Variants in TNRC6C observed in about 807,000 individuals in gnomAD.
TNRC6C encodes the protein trinucleotide repeat-containing gene 6C protein.
A neutral mutation model predicts 153.7 loss-of-function variants in TNRC6C; 20 were observed. That is an observed-to-expected ratio of 0.13 (90% CI 0.09 to 0.19). TNRC6C has a LOEUF of 0.19. TNRC6C is among the 10% of genes least tolerant of loss of function. The pLI, the probability that TNRC6C is intolerant of heterozygous loss-of-function variation, is 1.00. For synonymous variants in TNRC6C, 811 were observed against 841.4 expected, an observed-to-expected ratio of 0.96 and a Z score of 0.63; for missense variants, 1,987 against 2,172.0, an observed-to-expected ratio of 0.91 and a Z score of 1.69.
chr17:78,011,618 G>A (rs2071633098), intron 1 of TNRC6C, among the ~76,000 whole-genome samples: 1 of 152,104 alleles, frequency 6.6e-6, no homozygotes, highest in Non-Finnish European at 1.5e-5. Flanking sequence ...CCAGTTTTGA[G>A]CTATTGAGTA....
At chr17:77,963,267 ATGTATAATCTTAGCCAG>A (rs1368239318) in intron 1 of TNRC6C, among the ~76,000 whole-genome samples, 14 of 152,346 alleles carry the variant, frequency 9.2e-5, no homozygotes, top group African/African-American at 3.1e-4. Context: ...AAACTGAGAA[ATGTATAATCTTAGCCAG>A]TGAACTTGTT....
At chr17:78,051,384 G>T in exon 3 of TNRC6C, 1 of 1,550,358 alleles carries the variant, frequency 6.5e-7, no homozygotes, top group Non-Finnish European at 8.7e-7. Flanking sequence ...CCACACACAG[G>T]GTCGAGACGC....
At chr17:77,998,864 A>T (rs568155429) in intron 1 of TNRC6C, among the ~76,000 whole-genome samples, 1 of 152,236 alleles carries the variant, frequency 6.6e-6, no homozygotes, top group Non-Finnish European at 1.5e-5. Flanking sequence ...TGAGTATGTC[A>T]TATAGACTTT....
exon 20 of TNRC6C, chr17:78,106,780 A>T (rs186200679): frequency 1.1e-3 from 166 of 152,060 alleles, no homozygotes; most frequent in African/African-American, 3.1e-3. Context: ...TGTTTTAAAA[A>T]ATATATATAT....
intron 1 of TNRC6C, among the ~76,000 whole-genome samples, chr17:78,007,757 T>C (rs1321733107): frequency 1.3e-5 from 2 of 152,234 alleles, no homozygotes; most frequent in African/African-American, 4.8e-5. Context: ...TTAGATTGCA[T>C]AATATACTGA....
At chr17:78,011,257 T>C (rs900977235) in intron 1 of TNRC6C, among the ~76,000 whole-genome samples, 1 of 152,244 alleles carries the variant, frequency 6.6e-6, no homozygotes, top group African/African-American at 2.4e-5. Context: ...TATATTCACC[T>C]GTTAAACCAT....
intron 3 of TNRC6C, among the ~76,000 whole-genome samples, chr17:78,061,864 C>G (rs952639585): frequency 2.0e-5 from 3 of 151,932 alleles, no homozygotes; most frequent in African/African-American, 7.3e-5. Context: ...TTATAAAAAT[C>G]AATGAACTAT....
chr17:77,997,821 A>T (rs1417895902), intron 1 of TNRC6C, among the ~76,000 whole-genome samples: 1 of 151,530 alleles, frequency 6.6e-6, no homozygotes, highest in East Asian at 1.9e-4. Flanking sequence ...CGCCTGGCTA[A>T]TTTTTTGTAT....
At chr17:78,068,258 G>C (rs1302770657) in intron 5 of TNRC6C, among the ~76,000 whole-genome samples, 1 of 152,232 alleles carries the variant, frequency 6.6e-6, no homozygotes, top group Non-Finnish European at 1.5e-5. Flanking sequence ...AGGCAAAACA[G>C]TGCCACCCTT....
At chr17:78,056,378 G>T (rs1327775723) in intron 3 of TNRC6C, among the ~76,000 whole-genome samples, 1 of 151,038 alleles carries the variant, frequency 6.6e-6, no homozygotes, top group East Asian at 2.0e-4. Context: ...GGCTGGTCTG[G>T]AACTCCTGAC....
At chr17:78,010,492 A>G (rs911154499) in intron 1 of TNRC6C, among the ~76,000 whole-genome samples, 55 of 152,230 alleles carry the variant, frequency 3.6e-4, no homozygotes, top group Non-Finnish European at 1.2e-4. Flanking sequence ...ATAGTCACAC[A>G]TAGAAATATA....
chr17:78,048,080 A>G (rs970057435), intron 2 of TNRC6C, among the ~76,000 whole-genome samples: 5 of 152,226 alleles, frequency 3.3e-5, no homozygotes, highest in African/African-American at 1.2e-4. Context: ...TAGAGATCCA[A>G]AAAGATAGCA....
At chr17:78,092,139 TC>T (rs1422020952) in intron 14 of TNRC6C, among the ~76,000 whole-genome samples, 1 of 152,200 alleles carries the variant, frequency 6.6e-6, no homozygotes, top group Non-Finnish European at 1.5e-5. Flanking sequence ...GTAATCTCAC[TC>T]TCAAGCATTA....
intron 3 of TNRC6C, among the ~76,000 whole-genome samples, chr17:78,058,171 G>A (rs554687228): frequency 6.6e-6 from 1 of 152,276 alleles, no homozygotes; most frequent in Admixed American, 6.5e-5. Context: ...GCTACCTTGC[G>A]CTCTGCTGTG....
rs375279403 is a variant in TNRC6C at position 78,093,788 on chromosome 17, C to A, written c.4306+25C>A. The A allele has an allele frequency of 5.6e-6, 9 of 1,613,034 alleles. No individual in the cohort carries two copies. The African/African-American group carries it at 1.2e-4, about 22-fold the overall frequency. On this transcript the variant is annotated intron_variant, in intron 16 of 19. Transcript: ENST00000301624. Reference sequence around the variant, plus strand: ...GGTGAGGGTGCTGCTCTTCCTGCCTCTGCATGGACGGTCTCTCTAGACCCA... The same window carrying A: ...GGTGAGGGTGCTGCTCTTCCTGCCTATGCATGGACGGTCTCTCTAGACCCA...
At chr17:77,964,082 G>A (rs2070880245) in intron 1 of TNRC6C, among the ~76,000 whole-genome samples, 2 of 152,272 alleles carry the variant, frequency 1.3e-5, no homozygotes, top group Non-Finnish European at 2.9e-5. Flanking sequence ...CAGATATTTT[G>A]TGGGATGGAT....
At chr17:78,006,496 TTCTTCTTCTTCTTCTTCTTCTTC>T (rs2071502295) in intron 1 of TNRC6C, among the ~76,000 whole-genome samples, 1 of 7,536 alleles carries the variant, frequency 1.3e-4, no homozygotes, top group African/African-American at 2.3e-4. Context: ...TTCTTCTTTC[TTCTTCTTCTTCTTCTTCTTCTTC>T]TTCTTCTTCT....
intron 1 of TNRC6C, among the ~76,000 whole-genome samples, chr17:77,996,620 A>G (rs986771294): frequency 6.6e-6 from 1 of 152,204 alleles, no homozygotes; most frequent in Admixed American, 6.5e-5. Context: ...TGAACTCAAG[A>G]GGGCATACCT....
intron 1 of TNRC6C, among the ~76,000 whole-genome samples, chr17:77,959,786 G>A (rs1384362873): frequency 6.6e-6 from 1 of 152,118 alleles, no homozygotes; most frequent in Non-Finnish European, 1.5e-5. Context: ...GGAGTAATGC[G>A]TATGAGGAAA....
Sources: allele counts gnomAD v4.1 joint callset (sites outside exome capture counted in the v4.1 genomes callset), GRCh38; gene constraint gnomAD v4.1.1; transcripts MANE v1.5; gene names NCBI Gene and HGNC (gene_info 2026-07-23, HGNC 2026-07-21).